The following NT5E variants were observed in gnomAD, a reference collection of about 807,000 sequenced individuals.
NT5E encodes the protein 5'-nucleotidase ecto.
A neutral mutation model predicts 55.1 loss-of-function variants in NT5E; 53 were observed. The observed-to-expected ratio is 0.96, with a 90% CI of 0.77 to 1.21. The LOEUF is 1.21. Ranked by LOEUF, NT5E falls within the 50% of genes most tolerant of loss-of-function variation. NT5E has a pLI of 0.00. For missense variants in NT5E, 683 were observed against 724.3 expected (o/e 0.94, Z 0.65); for synonymous variants, 270 against 278.4 (o/e 0.97, Z 0.30).
Position 85,495,676 on chromosome 6 carries a change from C to A in NT5E, c.*1672C>A, listed in dbSNP as rs1023246784. 1 of 152,106 alleles carries A rather than the reference C, an allele frequency of 6.6e-6. No homozygotes were observed. Among genetic ancestry groups the A allele is most frequent in the Non-Finnish European group, 1.5e-5 (1 of 68,018 alleles). 9.4% of individuals were successfully genotyped at this position (152,106 alleles called of 1,614,324 possible). On this transcript the variant is annotated 3_prime_UTR_variant, in exon 9 of 9. Transcript: ENST00000257770. ...AATCCTATTAGAATTTTTTAAAGAA[C>A]TTTTTTTAAGTTTCCTAAATCTGTG...
intron 5 of NT5E, 149 bp downstream of exon 5, chr6:85,487,638 T>C (rs1287614461): frequency 2.8e-6 from 3 of 1,056,750 alleles, no homozygotes; most frequent in Non-Finnish European, 4.3e-6. Flanking sequence ...GTGCCTATAG[T>C]CCCAGCTACT....
In NT5E at chr6:85,491,998, T is replaced by C; in HGVS notation, c.1382T>C (p.Leu461Pro). Reference protein sequence around the residue: ...QVGGIHVVYDLSRKPGDRVVK... With the variant: ...QVGGIHVVYDPSRKPGDRVVK... ...CTAGGAATCCATGTGGTGTATGATC[T>C]TTCCCGAAAACCTGGAGACAGAGTA... Residue 461 changes from leucine to proline, a missense_variant, in exon 8 of 9, where the codon CTT becomes CCT. Leu to Pro is a moderately conservative substitution (Grantham distance 98). Transcript: ENST00000257770. 6.2e-7 allele frequency: 1 copy of C among 1,614,136 alleles called. No individual in the cohort carries two copies. The highest frequency in any genetic ancestry group is 8.5e-7 in the Non-Finnish European group (1 of 1,179,966).
At chr6:85,471,492 G>T in intron 3 of NT5E, 67 bp downstream of exon 3, 1 of 1,372,260 alleles carries the variant, frequency 7.3e-7, no homozygotes, top group African/African-American at 1.4e-5. Flanking sequence ...TTTTGCCTTT[G>T]TAACTGTTAT....
rs1768836370 is a variant in NT5E at position 85,450,668 on chromosome 6, C to T, written c.339+190C>T. 6.6e-6 allele frequency among the ~76,000 whole-genome samples: 1 copy of T among 152,180 alleles called. No individual in the cohort carries two copies. The highest frequency in any genetic ancestry group is 6.5e-5 in the Admixed American group (1 of 15,288). On this transcript the variant is annotated intron_variant, in intron 1 of 8. Coordinates refer to ENST00000257770, the MANE Select transcript of NT5E (RefSeq NM_002526.4). This position sits in a 1 kb window ranked among gnomAD's most constrained non-coding sequence, Gnocchi z 4.0. ...CCTTGGACGATTCGTCTTAAACGGA[C>T]GTTATTGCGCCCCCACTATGAGATG...
At chr6:85,471,489 T>G in intron 3 of NT5E, 64 bp downstream of exon 3, 1 of 1,379,286 alleles carries the variant, frequency 7.3e-7, no homozygotes, top group Non-Finnish European at 1.0e-6. Context: ...CTCTTTTGCC[T>G]TTGTAACTGT....
chr6:85,491,513 G>C (rs1394872827), intron 7 of NT5E, among the ~76,000 whole-genome samples: 1 of 152,204 alleles, frequency 6.6e-6, no homozygotes, highest in East Asian at 1.9e-4. Flanking sequence ...AGGGAGTTGA[G>C]GGAAAAGCAG....
intron 4 of NT5E, among the ~76,000 whole-genome samples, chr6:85,486,440 C>G (rs996361927): frequency 6.6e-6 from 1 of 152,074 alleles, no homozygotes; most frequent in African/African-American, 2.4e-5. Context: ...CCTAGAAGAG[C>G]GGCGGCAAGA....
intron 6 of NT5E, 23 bp from the exon 7 acceptor site, chr6:85,490,485 G>A: frequency 6.2e-7 from 1 of 1,614,014 alleles, no homozygotes; most frequent in Non-Finnish European, 8.5e-7. Context: ...TTTCCTTCTT[G>A]CCTCATCTGT....
chr6:85,495,052 TC>T lies in NT5E; in HGVS notation c.*1049del, dbSNP rs1453008104. The T allele has an allele frequency of 6.6e-6, 1 of 152,182 alleles. No homozygotes were observed. The highest frequency in any genetic ancestry group is 1.5e-5 in the Non-Finnish European group (1 of 68,036). 9.4% of individuals were successfully genotyped at this position (152,182 alleles called of 1,614,324 possible). On this transcript the variant is annotated 3_prime_UTR_variant, in exon 9 of 9. Coordinates refer to ENST00000257770, the MANE Select transcript of NT5E (RefSeq NM_002526.4). Reference sequence around the variant, plus strand: ...GTAATTCTAAACCTGCACTTGTCCCTCTCCAGCAAGAGGCTAGCACTGAATT... The same window carrying T: ...GTAATTCTAAACCTGCACTTGTCCCTTCCAGCAAGAGGCTAGCACTGAATT...
intron 1 of NT5E, among the ~76,000 whole-genome samples, chr6:85,460,273 A>G (rs554061196): frequency 2.8e-4 from 43 of 152,270 alleles, no homozygotes; most frequent in Non-Finnish European, 4.9e-4. Flanking sequence ...AGAGAAGTCA[A>G]TTGATTTAGT....
Position 85,489,603 on chromosome 6 carries a change from T to C in NT5E, c.1210+4T>C, listed in dbSNP as rs368794948. Reference sequence around the variant, plus strand: ...CCCATTGATGAACGCAACAATGGTATGCTCCCAGGCCCAGCTCCTCAGTGT... The same window carrying C: ...CCCATTGATGAACGCAACAATGGTACGCTCCCAGGCCCAGCTCCTCAGTGT... On this transcript the variant is annotated splice_donor_region_variant and intron_variant, in intron 6 of 8. Transcript: ENST00000257770. 2 of 1,602,928 alleles carry C rather than the reference T, an allele frequency of 1.2e-6. No homozygotes were observed. The highest frequency in any genetic ancestry group is 1.7e-6 in the Non-Finnish European group (2 of 1,170,480).
chr6:85,464,609 G>A (rs1376216037), intron 1 of NT5E, among the ~76,000 whole-genome samples: 1 of 152,176 alleles, frequency 6.6e-6, no homozygotes, highest in African/African-American at 2.4e-5. Flanking sequence ...TATCATAAAG[G>A]CTGTGCTTCT....
intron 8 of NT5E, 38 bp downstream of exon 8, chr6:85,492,215 C>T (rs902886003): frequency 2.5e-6 from 4 of 1,600,948 alleles, no homozygotes; most frequent in Non-Finnish European, 3.4e-6. Context: ...TAAAGAACAA[C>T]AAAATTGGGC....
At chr6:85,459,174 G>A (rs1183734180) in intron 1 of NT5E, among the ~76,000 whole-genome samples, 2 of 152,112 alleles carry the variant, frequency 1.3e-5, no homozygotes, top group Non-Finnish European at 2.9e-5. Context: ...ATGTTGCCTA[G>A]GCTGGTCTCA....
intron 1 of NT5E, among the ~76,000 whole-genome samples, chr6:85,463,001 A>C (rs943280446): frequency 6.6e-6 from 1 of 152,186 alleles, no homozygotes; most frequent in Admixed American, 6.5e-5. Flanking sequence ...TTGTGAATGA[A>C]ACAATTTTTT....
chr6:85,475,222 C>T (rs1769404825), intron 3 of NT5E, among the ~76,000 whole-genome samples: 1 of 152,144 alleles, frequency 6.6e-6, no homozygotes, highest in Non-Finnish European at 1.5e-5. Context: ...TTCCAAAGCT[C>T]GTGGATTGCA....
In NT5E at chr6:85,489,502, C is replaced by T; in HGVS notation, c.1113C>T (p.Asn371=). 6.2e-7 allele frequency: 1 copy of T among 1,611,912 alleles called. No homozygotes were observed. The highest frequency in any genetic ancestry group is 8.5e-7 in the Non-Finnish European group (1 of 1,178,180). Residue 371 remains asparagine (N), a synonymous_variant, in exon 6 of 9, where the codon AAC becomes AAT. Transcript: ENST00000257770. ...CTGTGCTACTGTTGCAGATTAACAA[C>T]AACCTGAGACACACGGATGAAATGT... ...GNLICDAMIN[N]NLRHTDEMFW... is the part of the protein sequence containing the mutation.
intron 2 of NT5E, among the ~76,000 whole-genome samples, chr6:85,470,172 C>T (rs961962069): frequency 1.5e-4 from 23 of 152,166 alleles, no homozygotes; most frequent in African/African-American, 5.6e-4. Flanking sequence ...TTGCAGTCAT[C>T]TTCATGCCAG....
chr6:85,473,556 G>A (rs1278092014), intron 3 of NT5E, among the ~76,000 whole-genome samples: 3 of 152,144 alleles, frequency 2.0e-5, no homozygotes, highest in African/African-American at 4.8e-5. Flanking sequence ...CCCGTAGTAA[G>A]AAGAACATTT....
Sources: gnomAD v4.1 joint callset for allele counts (sites outside exome capture counted in the v4.1 genomes callset) on GRCh38, gnomAD v4.1.1 for gene constraint, Gnocchi (gnomAD v3.1) non-coding constraint, MANE v1.5 for transcripts, NCBI Gene and HGNC (gene_info 2026-07-23, HGNC 2026-07-21) for gene names.